Variants in ZNRF2 observed in about 807,000 individuals in gnomAD.
ZNRF2 encodes zinc and ring finger 2.
Under a neutral mutation model 20.4 loss-of-function variants are expected in ZNRF2, and 16 were observed. The observed-to-expected ratio is 0.79, with a 90% confidence interval of 0.53 to 1.19. The LOEUF (loss-of-function observed/expected upper bound fraction) is 1.19. Among genes scored for constraint, ZNRF2 ranks in the 50% most tolerant of loss-of-function variants. The pLI is 0.00. For missense variants in ZNRF2, 363 were observed against 332.4 expected (o/e 1.09, Z -0.72); for synonymous variants, 178 against 144.9 (o/e 1.23, Z -1.64).
chr7:30,316,241 T>C (rs1799372122), intron 1 of ZNRF2, among the ~76,000 whole-genome samples: 1 of 126,856 alleles, frequency 7.9e-6, no homozygotes. Context: ...TGAGTCAAGA[T>C]TGCACCACTG....
intron 1 of ZNRF2, among the ~76,000 whole-genome samples, chr7:30,306,119 G>T (rs139195087): frequency 7.9e-5 from 12 of 152,276 alleles, no homozygotes; most frequent in African/African-American, 2.9e-4. Flanking sequence ...AGATAATGTA[G>T]CATTTAGCAA....
intron 2 of ZNRF2, among the ~76,000 whole-genome samples, chr7:30,338,892 A>G (rs545473631): frequency 1.4e-4 from 22 of 152,284 alleles, no homozygotes; most frequent in Admixed American, 3.3e-4. Context: ...ACTCCCACCA[A>G]CAGTGCAAAA....
chr7:30,321,115 T>TTTG lies in ZNRF2; in HGVS notation c.470-2509_470-2507dup, dbSNP rs149061443. On this transcript the variant is annotated intron_variant, in intron 1 of 4. Coordinates refer to ENST00000323037, the MANE Select transcript of ZNRF2 (RefSeq NM_147128.4). ...CTGGTATTCTCAATTCCGAATATTC[T>TTTG]TTGTTGTTGTTGTTGTTGTTTTCCC... Among the ~76,000 whole-genome samples the TTTG allele has an allele frequency of 4.0e-4, 61 of 152,176 alleles. No homozygotes were observed. In the South Asian group the frequency reaches 0.01, roughly 26 times the overall value.
intron 1 of ZNRF2, among the ~76,000 whole-genome samples, chr7:30,299,146 C>A (rs572128398): frequency 6.6e-6 from 1 of 151,828 alleles, no homozygotes; most frequent in Non-Finnish European, 1.5e-5. Context: ...TGGATGATGC[C>A]CCTGGGCGTG....
chr7:30,293,752 G>C lies in ZNRF2; in HGVS notation c.469+7926G>C, dbSNP rs201762553. 2.0e-5 allele frequency among the ~76,000 whole-genome samples: 3 copies of C among 152,170 alleles called. No individual in the cohort carries two copies. The South Asian group carries it at 6.2e-4, about 32-fold the overall frequency. ...AAGTGCAGATTGGTGGATATATTTC[G>C]AGTAATGTCACCTATCAGAGTCATT... On this transcript the variant is annotated intron_variant, in intron 1 of 4. Transcript: ENST00000323037.
At chr7:30,342,699 G>A (rs1799814662) in intron 2 of ZNRF2, among the ~76,000 whole-genome samples, 1 of 151,954 alleles carries the variant, frequency 6.6e-6, no homozygotes, top group South Asian at 2.1e-4. Context: ...ATTGTGTTGG[G>A]GGTATTAATT....
At chr7:30,286,322 T>TG (rs1162964519) in intron 1 of ZNRF2, among the ~76,000 whole-genome samples, 1 of 152,226 alleles carries the variant, frequency 6.6e-6, no homozygotes, top group Admixed American at 6.5e-5. Flanking sequence ...AATCCTGAAA[T>TG]CTGTGTCAGT....
chr7:30,346,245 A>G lies in ZNRF2; in HGVS notation c.566-9483A>G, dbSNP rs1381210779. On this transcript the variant is annotated intron_variant, in intron 2 of 4. Coordinates refer to ENST00000323037, the MANE Select transcript of ZNRF2 (RefSeq NM_147128.4). ...TTTTGCTCTTGTTGCCCAGGCTGCA[A>G]TGCAGTGGCACGATCTTGGCTCACT... Among the ~76,000 whole-genome samples the G allele has an allele frequency of 7.5e-5, 9 of 120,366 alleles. No individual in the cohort carries two copies. The South Asian group carries it at 1.3e-3, about 18-fold the overall frequency. 79.0% of individuals were successfully genotyped at this position (120,366 alleles called of 152,430 possible). A position where few individuals can be genotyped will look rare whatever the true frequency, so the allele number is the denominator to read the frequency against.
At chr7:30,361,148 T>C (rs947975087) in intron 3 of ZNRF2, among the ~76,000 whole-genome samples, 1 of 151,860 alleles carries the variant, frequency 6.6e-6, no homozygotes, top group African/African-American at 2.4e-5. Context: ...TTAACACATC[T>C]GGAGTATTTT....
intron 1 of ZNRF2, among the ~76,000 whole-genome samples, chr7:30,307,333 T>G (rs867459439): frequency 9.4e-4 from 124 of 131,754 alleles, no homozygotes; most frequent in African/African-American, 2.9e-3. Context: ...TTTGTTTTTT[T>G]TTTTTTTTTT....
chr7:30,300,114 G>C (rs1223080176), intron 1 of ZNRF2, among the ~76,000 whole-genome samples: 1 of 149,354 alleles, frequency 6.7e-6, no homozygotes, highest in African/African-American at 2.5e-5. Flanking sequence ...CATATATTTA[G>C]AGGATTTTTT....
chr7:30,342,195 T>A (rs970376337), intron 2 of ZNRF2, among the ~76,000 whole-genome samples: 2 of 152,216 alleles, frequency 1.3e-5, no homozygotes, highest in African/African-American at 4.8e-5. Flanking sequence ...TGCCAGTCTG[T>A]GTCTTTTAAT....
Position 30,284,938 on chromosome 7 carries a change from G to T in ZNRF2, c.-420G>T. 3.8e-6 allele frequency: 1 copy of T among 261,550 alleles called. No individual in the cohort carries two copies. Among genetic ancestry groups the T allele is most frequent in the Non-Finnish European group, 7.7e-6 (1 of 129,286 alleles). 16.2% of individuals were successfully genotyped at this position (261,550 alleles called of 1,614,324 possible). A position where few individuals can be genotyped will look rare whatever the true frequency, so the allele number is the denominator to read the frequency against. Reference sequence around the variant, plus strand: ...CCGCCGTGGGAGCCGGAGGATGGCGGCGGTAGCAGCGGCCGCCCGAGAGGA... The same window carrying T: ...CCGCCGTGGGAGCCGGAGGATGGCGTCGGTAGCAGCGGCCGCCCGAGAGGA... On this transcript the variant is annotated 5_prime_UTR_variant, in exon 1 of 5. Coordinates refer to ENST00000323037, the MANE Select transcript of ZNRF2 (RefSeq NM_147128.4).
Position 30,303,263 on chromosome 7 carries a change from CA to C in ZNRF2, c.469+17451del, listed in dbSNP as rs747523201. 4.2e-3 allele frequency among the ~76,000 whole-genome samples: 454 copies of C among 106,928 alleles called. 3 individuals are homozygous for C. Among genetic ancestry groups the C allele is most frequent in the East Asian group, 0.019 (73 of 3,940 alleles). The allele number at this position is 106,928 out of a possible 152,430, so 70.1% of individuals were successfully genotyped here. A position where few individuals can be genotyped will look rare whatever the true frequency, so the allele number is the denominator to read the frequency against. On this transcript the variant is annotated intron_variant, in intron 1 of 4. Coordinates refer to ENST00000323037, the MANE Select transcript of ZNRF2 (RefSeq NM_147128.4). ...GGGCGATGGAAATGAGATCCTGTCT[CA>C]AAAAAAAAAAAAAGAAAAAGAAAAA...
At chr7:30,358,369 A>G (rs1388859685) in intron 3 of ZNRF2, among the ~76,000 whole-genome samples, 1 of 152,246 alleles carries the variant, frequency 6.6e-6, no homozygotes, top group African/African-American at 2.4e-5. Flanking sequence ...AAGATATGTA[A>G]GACTTTAGAT....
chr7:30,359,906 A>G (rs1265128400), intron 3 of ZNRF2, among the ~76,000 whole-genome samples: 1 of 152,242 alleles, frequency 6.6e-6, no homozygotes, highest in African/African-American at 2.4e-5. Flanking sequence ...TGTGGAAAGC[A>G]GTGTTTATCA....
intron 1 of ZNRF2, among the ~76,000 whole-genome samples, chr7:30,296,342 A>C (rs1470269539): frequency 6.6e-6 from 1 of 152,210 alleles, no homozygotes; most frequent in Admixed American, 6.5e-5. Flanking sequence ...ATGTGTTACA[A>C]AGTGTTATCA....
intron 1 of ZNRF2, among the ~76,000 whole-genome samples, chr7:30,292,433 G>A (rs893873934): frequency 2.0e-5 from 3 of 152,046 alleles, no homozygotes; most frequent in South Asian, 2.1e-4. Context: ...TATTCTGGGG[G>A]TACAGCAGTG....
At chr7:30,330,392 G>A (rs1322405615) in intron 2 of ZNRF2, among the ~76,000 whole-genome samples, 3 of 152,234 alleles carry the variant, frequency 2.0e-5, no homozygotes, top group South Asian at 2.1e-4. Flanking sequence ...CAGTTGGAAG[G>A]CAATTTGTTC....
Sources: allele counts gnomAD v4.1 joint callset (sites outside exome capture counted in the v4.1 genomes callset), GRCh38; gene constraint gnomAD v4.1.1; transcripts MANE v1.5; gene names NCBI Gene and HGNC (gene_info 2026-07-23, HGNC 2026-07-21).